Variants in SMAP1 observed in about 807,000 individuals in gnomAD.
SMAP1 encodes the protein small ArfGAP 1.
SMAP1 carries 24 observed loss-of-function variants against 58.5 expected under a neutral mutation model. The observed-to-expected ratio is 0.41, with a 90% CI of 0.30 to 0.58. The LOEUF (loss-of-function observed/expected upper bound fraction) is 0.58, where lower values mean the gene tolerates loss of function less well. SMAP1 is among the 20% of genes least tolerant of loss of function. The probability of loss-of-function intolerance (pLI) is 0.29; values close to 1 mark genes in which losing one functional copy is unlikely to be tolerated. For missense variants in SMAP1, 563 were observed against 566.3 expected (o/e 0.99, Z 0.06); for synonymous variants, 216 against 196.6 (o/e 1.10, Z -0.82).
chr6:70,769,675 C>T (rs1309716693), intron 3 of SMAP1, among the ~76,000 whole-genome samples: 4 of 152,166 alleles, frequency 2.6e-5, no homozygotes, highest in African/African-American at 7.2e-5. Flanking sequence ...TTCCTGAATA[C>T]AGCACACTGA....
intron 6 of SMAP1, among the ~76,000 whole-genome samples, chr6:70,809,933 C>A (rs534571661): frequency 6.6e-6 from 1 of 152,082 alleles, no homozygotes; most frequent in Non-Finnish European, 1.5e-5. Flanking sequence ...AGTGTTGCTT[C>A]CCTGTTGCCC....
chr6:70,701,717 C>T (rs568853338), intron 1 of SMAP1, among the ~76,000 whole-genome samples: 152 of 152,322 alleles, frequency 1.0e-3, no homozygotes, highest in African/African-American at 3.4e-3. Context: ...CTCTGTCATA[C>T]AGCTGCTGTC....
rs759505091 is a variant in SMAP1 at position 70,791,702 on chromosome 6, A to T, written c.428A>T (p.Asp143Val). 1 of 1,612,372 alleles carries T rather than the reference A, an allele frequency of 6.2e-7. No homozygotes were observed. Among genetic ancestry groups the T allele is most frequent in the African/African-American group, 1.3e-5 (1 of 74,814 alleles). Residue 143 changes from aspartate (D) to valine (V), a missense_variant, in exon 5 of 11, where the codon GAT becomes GTT. Physicochemically the swap from Asp to Val is radical, Grantham distance 152. Coordinates refer to ENST00000370455, the MANE Select transcript of SMAP1 (RefSeq NM_001044305.3). ...AIAITNISSS[D>V]APLQPLVSSP... ...TGTACTCCACAGATTTCCTCCTCTG[A>T]TGCTCCTCTTCAGCCTTTGGTATCC...
intron 1 of SMAP1, among the ~76,000 whole-genome samples, chr6:70,718,530 C>T (rs1361190215): frequency 2.6e-5 from 4 of 152,102 alleles, no homozygotes; most frequent in Admixed American, 6.5e-5. Context: ...TATAAGAATG[C>T]GATGCTTGGG....
At chr6:70,859,494 T>C in intron 10 of SMAP1, 1 of 922,022 alleles carries the variant, frequency 1.1e-6, no homozygotes, top group Admixed American at 2.8e-5. Context: ...TTTGAAACTG[T>C]AAATAAGTCA....
At chr6:70,785,792 A>T (rs954010698) in intron 4 of SMAP1, among the ~76,000 whole-genome samples, 2 of 152,262 alleles carry the variant, frequency 1.3e-5, no homozygotes, top group African/African-American at 4.8e-5. Context: ...ACAGGCTCTG[A>T]AATTGTGGCA....
chr6:70,668,187 C>CG (rs1766110625), intron 1 of SMAP1, 46 bp downstream of exon 1: 1 of 1,516,246 alleles, frequency 6.6e-7, no homozygotes, highest in African/African-American at 1.4e-5. Flanking sequence ...CTCTTGCGAC[C>CG]GGTGACCTTC....
Position 70,758,814 on chromosome 6 carries a change from C to G in SMAP1, c.338+3749C>G, listed in dbSNP as rs527237796. On this transcript the variant is annotated intron_variant, in intron 3 of 10. Transcript: ENST00000370455. ...AGTCACTAAAATAACCCTGAAATTT[C>G]TAGCTTGGTTGACCATAAAGCTTAT... 2.6e-5 allele frequency among the ~76,000 whole-genome samples: 4 copies of G among 152,216 alleles called. No individual in the cohort carries two copies. The South Asian group carries it at 8.3e-4, about 32-fold the overall frequency.
intron 2 of SMAP1, among the ~76,000 whole-genome samples, chr6:70,734,143 C>A (rs1765531731): frequency 8.4e-6 from 1 of 119,614 alleles, no homozygotes; most frequent in African/African-American, 3.2e-5. Flanking sequence ...CCCTGCTCTT[C>A]CCATCTTTTT....
At chr6:70,777,146 A>G (rs1354400606) in intron 4 of SMAP1, among the ~76,000 whole-genome samples, 3 of 152,140 alleles carry the variant, frequency 2.0e-5, no homozygotes, top group Non-Finnish European at 2.9e-5. Flanking sequence ...CCTCTCTGGT[A>G]TCTATCATCT....
intron 1 of SMAP1, among the ~76,000 whole-genome samples, chr6:70,708,966 G>A (rs1314763903): frequency 7.9e-5 from 12 of 152,094 alleles, no homozygotes; most frequent in African/African-American, 2.7e-4. Flanking sequence ...TTTTTAGTTT[G>A]ATGTAGTCCC....
At chr6:70,768,364 T>C (rs1272785904) in intron 3 of SMAP1, among the ~76,000 whole-genome samples, 1 of 152,246 alleles carries the variant, frequency 6.6e-6, no homozygotes, top group Non-Finnish European at 1.5e-5. Flanking sequence ...AATTCGGCTG[T>C]GAATCCATCT....
chr6:70,681,329 G>C (rs1394213549), intron 1 of SMAP1, among the ~76,000 whole-genome samples: 3 of 152,134 alleles, frequency 2.0e-5, no homozygotes, highest in Non-Finnish European at 4.4e-5. Flanking sequence ...CTATTTGGGA[G>C]GCTAGGGTAG....
At chr6:70,675,850 C>A (rs1766462009) in intron 1 of SMAP1, among the ~76,000 whole-genome samples, 1 of 152,122 alleles carries the variant, frequency 6.6e-6, no homozygotes, top group Non-Finnish European at 1.5e-5. Context: ...ATGGTCCCAC[C>A]ACCCTAAGTG....
chr6:70,849,060 G>C (rs1168590347), intron 7 of SMAP1, among the ~76,000 whole-genome samples: 1 of 152,152 alleles, frequency 6.6e-6, no homozygotes, highest in Non-Finnish European at 1.5e-5. Flanking sequence ...ACAAAAGAGG[G>C]GCAGGTATGT....
intron 6 of SMAP1, among the ~76,000 whole-genome samples, chr6:70,803,138 G>C (rs1420472369): frequency 6.6e-6 from 1 of 152,112 alleles, no homozygotes; most frequent in Non-Finnish European, 1.5e-5. Context: ...TCTGGTCCTG[G>C]ACTTTTTTTG....
Position 70,860,189 on chromosome 6 carries a change from A to G in SMAP1, c.1270-11A>G. ...AAGCCTCTTGAACTAAGCCTTTTAT[A>G]TGTTTCACAGATGAATCAGCAGATG... On this transcript the variant is annotated splice_polypyrimidine_tract_variant and intron_variant, in intron 10 of 10. Transcript: ENST00000370455. The G allele has an allele frequency of 6.2e-7, 1 of 1,600,208 alleles. No individual in the cohort carries two copies. The highest frequency in any genetic ancestry group is 1.8e-5 in the Admixed American group (1 of 56,714).
At chr6:70,712,212 C>G (rs1406473163) in intron 1 of SMAP1, among the ~76,000 whole-genome samples, 1 of 152,152 alleles carries the variant, frequency 6.6e-6, no homozygotes, top group Admixed American at 6.5e-5. Context: ...ATCATTCATT[C>G]TGTTAATGAG....
chr6:70,780,002 G>A (rs2149923466), intron 4 of SMAP1, among the ~76,000 whole-genome samples: 1 of 152,322 alleles, frequency 6.6e-6, no homozygotes, highest in Admixed American at 6.5e-5. Flanking sequence ...ATAGTGGCAA[G>A]TGAGTTGATG....
Sources: gnomAD v4.1 joint callset for allele counts (sites outside exome capture counted in the v4.1 genomes callset) on GRCh38, gnomAD v4.1.1 for gene constraint, MANE v1.5 for transcripts, NCBI Gene and HGNC (gene_info 2026-07-23, HGNC 2026-07-21) for gene names.